The following NFE2L3 variants were observed in gnomAD, a reference collection of about 807,000 sequenced individuals.
NFE2L3 encodes nuclear factor erythroid 2-related factor 3.
In NFE2L3, 18 loss-of-function variants were observed where a neutral mutation model predicts 23.5. The observed-to-expected ratio is 0.77, with a 90% CI of 0.53 to 1.13. The LOEUF (loss-of-function observed/expected upper bound fraction) is 1.13, where lower values mean the gene tolerates loss of function less well. Among genes scored for constraint, NFE2L3 ranks in the 50% most tolerant of loss-of-function variants. The pLI is 0.00. For missense variants in NFE2L3, 1,152 were observed against 877.2 expected, an observed-to-expected ratio of 1.31 and a Z score of -3.96; for synonymous variants, 424 against 354.5, an observed-to-expected ratio of 1.20 and a Z score of -2.20.
intron 2 of NFE2L3, among the ~76,000 whole-genome samples, chr7:26,183,489 A>G (rs989822762): frequency 2.1e-5 from 3 of 145,156 alleles, no homozygotes; most frequent in African/African-American, 7.5e-5. Flanking sequence ...CAGAGGGTGT[A>G]GTGAGCCGAG....
At chr7:26,173,084 A>G (rs1490659869) in intron 1 of NFE2L3, among the ~76,000 whole-genome samples, 1 of 151,294 alleles carries the variant, frequency 6.6e-6, no homozygotes, top group Non-Finnish European at 1.5e-5. Context: ...CTTTTATTCA[A>G]CTCATTTTAT....
rs761814942 is a variant in NFE2L3 at position 26,185,813 on chromosome 7, G to A, written c.*30G>A. ...AAACTGAAGATGGACTCTATTATGT[G>A]AAGTAGTAATGTTCAGAAACTGATT... On this transcript the variant is annotated 3_prime_UTR_variant, in exon 4 of 4. Coordinates refer to ENST00000056233, the MANE Select transcript of NFE2L3 (RefSeq NM_004289.7). 2 of 1,532,770 alleles carry A rather than the reference G, an allele frequency of 1.3e-6. No individual in the cohort carries two copies. The highest frequency in any genetic ancestry group is 1.8e-6 in the Non-Finnish European group (2 of 1,140,832). 94.9% of individuals were successfully genotyped at this position (1,532,770 alleles called of 1,614,324 possible).
chr7:26,171,584 T>C (rs1227638666), intron 1 of NFE2L3, among the ~76,000 whole-genome samples: 1 of 152,024 alleles, frequency 6.6e-6, no homozygotes, highest in East Asian at 1.9e-4. Context: ...AAATAAACTA[T>C]GGTAAGAGGC....
intron 1 of NFE2L3, among the ~76,000 whole-genome samples, chr7:26,162,160 T>A (rs1784181974): frequency 1.3e-5 from 2 of 148,684 alleles, no homozygotes; most frequent in Admixed American, 1.3e-4. Flanking sequence ...AAAAAAAAAA[T>A]TCATTCTTCA....
chr7:26,177,834 A>T, intron 1 of NFE2L3, 109 bp from the exon 2 acceptor site: 1 of 916,422 alleles, frequency 1.1e-6, no homozygotes, highest in East Asian at 2.4e-5. Flanking sequence ...GAAATATTGA[A>T]ATGCCGGTCT....
At chr7:26,176,353 C>T (rs1303977005) in intron 1 of NFE2L3, among the ~76,000 whole-genome samples, 2 of 152,238 alleles carry the variant, frequency 1.3e-5, no homozygotes, top group Non-Finnish European at 2.9e-5. Flanking sequence ...CATCATGGCC[C>T]ATTCTCGATG....
At position 26,187,113 on chromosome 7, in the gene NFE2L3, C is replaced by T. The variant is rs1782507357; in HGVS notation, c.*1330C>T. ...CGTTGGATTTTTATAATAAAGTTTCCCAAGACCTGTTATTTTGCCAGAAAT... is the reference window on the plus strand; with the variant it reads ...CGTTGGATTTTTATAATAAAGTTTCTCAAGACCTGTTATTTTGCCAGAAAT... On this transcript the variant is annotated 3_prime_UTR_variant, in exon 4 of 4. Transcript: ENST00000056233. 3 of 152,018 alleles carry T rather than the reference C, an allele frequency of 2.0e-5. No individual in the cohort carries two copies. The highest frequency in any genetic ancestry group is 7.2e-5 in the African/African-American group (3 of 41,386). 9.4% of individuals were successfully genotyped at this position (152,018 alleles called of 1,614,324 possible). A position where few individuals can be genotyped will look rare whatever the true frequency, so the allele number is the denominator to read the frequency against.
At chr7:26,175,853 C>CTTTTTTTTTTTTTT (rs70943276) in intron 1 of NFE2L3, among the ~76,000 whole-genome samples, 24 of 111,556 alleles carry the variant, frequency 2.2e-4, no homozygotes, top group Non-Finnish European at 3.2e-4. Context: ...ATTTTCTTTT[C>CTTTTTTTTTTTTTT]TTTTTTTTTT....
In NFE2L3 at chr7:26,152,882, C is replaced by G. The variant is rs751748852; in HGVS notation, c.384C>G (p.Leu128=). 1.0e-3 allele frequency: 1,528 copies of G among 1,456,696 alleles called. 2 individuals are homozygous for G. The highest frequency in any genetic ancestry group is 1.3e-3 in the Non-Finnish European group (1,446 of 1,113,994). 90.2% of individuals were successfully genotyped at this position (1,456,696 alleles called of 1,614,324 possible). A position where few individuals can be genotyped will look rare whatever the true frequency, so the allele number is the denominator to read the frequency against. The change falls in exon 1 of 4, where the codon CTC becomes CTG. Residue 128 remains leucine, a synonymous_variant. Coordinates refer to ENST00000056233, the MANE Select transcript of NFE2L3 (RefSeq NM_004289.7). This position sits in a 1 kb window ranked among gnomAD's most constrained non-coding sequence, Gnocchi z 4.4. Reference sequence around the variant, plus strand: ...GCGCGGACGAGGCCCACGGGCTGCTCGGCGCCGCCGCCGCCTCGTCCACCG... The same window carrying G: ...GCGCGGACGAGGCCCACGGGCTGCTGGGCGCCGCCGCCGCCTCGTCCACCG... ...AGSADEAHGL[L]GAAAASSTGG...
intron 1 of NFE2L3, among the ~76,000 whole-genome samples, chr7:26,167,779 T>C (rs967593448): frequency 6.6e-6 from 1 of 152,196 alleles, no homozygotes; most frequent in Non-Finnish European, 1.5e-5. Context: ...TGGTTTTGCT[T>C]TCTCTTGAAA....
intron 1 of NFE2L3, among the ~76,000 whole-genome samples, chr7:26,162,848 G>A (rs994356889): frequency 3.3e-5 from 5 of 151,972 alleles, no homozygotes; most frequent in African/African-American, 1.2e-4. Context: ...GAGTACCTGG[G>A]ATTACAGGTG....
intron 1 of NFE2L3, among the ~76,000 whole-genome samples, chr7:26,175,583 C>G (rs746648448): frequency 1.3e-5 from 2 of 152,072 alleles, no homozygotes; most frequent in Non-Finnish European, 2.9e-5. Context: ...CGAGACCATC[C>G]TGGCTAACAT....
At chr7:26,156,566 A>G (rs1239946108) in intron 1 of NFE2L3, among the ~76,000 whole-genome samples, 1 of 152,228 alleles carries the variant, frequency 6.6e-6, no homozygotes, top group Non-Finnish European at 1.5e-5. Context: ...AACCACAGTC[A>G]TTCACAACGG....
intron 3 of NFE2L3, 59 bp from the exon 4 acceptor site, chr7:26,184,474 T>TA: frequency 6.8e-7 from 1 of 1,481,298 alleles, no homozygotes; most frequent in African/African-American, 1.4e-5. Context: ...TGTTAGGTAA[T>TA]AGAACTGCTT....
chr7:26,176,386 TG>T (rs1255042844), intron 1 of NFE2L3, among the ~76,000 whole-genome samples: 1 of 152,232 alleles, frequency 6.6e-6, no homozygotes, highest in Non-Finnish European at 1.5e-5. Context: ...TCGGAGCTGT[TG>T]GGTACACCTG....
At chr7:26,172,513 A>G (rs573221947) in intron 1 of NFE2L3, among the ~76,000 whole-genome samples, 10 of 152,352 alleles carry the variant, frequency 6.6e-5, no homozygotes, top group African/African-American at 2.4e-4. Flanking sequence ...ATGTAAGGCT[A>G]CTATCTAATC....
At chr7:26,167,341 G>A (rs1348825887) in intron 1 of NFE2L3, among the ~76,000 whole-genome samples, 1 of 152,134 alleles carries the variant, frequency 6.6e-6, no homozygotes, top group East Asian at 1.9e-4. Context: ...TGGTTAAAGG[G>A]CCCAAACTGA....
chr7:26,183,256 CAG>C (rs909379939), intron 2 of NFE2L3, among the ~76,000 whole-genome samples: 18 of 152,006 alleles, frequency 1.2e-4, no homozygotes. Flanking sequence ...GTACCATAAT[CAG>C]AGAAATAGGT....
intron 1 of NFE2L3, among the ~76,000 whole-genome samples, chr7:26,166,898 A>G (rs1784259455): frequency 6.6e-6 from 1 of 152,226 alleles, no homozygotes; most frequent in South Asian, 2.1e-4. Flanking sequence ...CCCTAGAGGT[A>G]AAAGCAGGTC....
Sources: gnomAD v4.1 joint callset for allele counts (sites outside exome capture counted in the v4.1 genomes callset) on GRCh38, gnomAD v4.1.1 for gene constraint, Gnocchi (gnomAD v3.1) non-coding constraint, MANE v1.5 for transcripts, NCBI Gene and HGNC (gene_info 2026-07-23, HGNC 2026-07-21) for gene names.